CCDC15: variants seen among roughly 807,000 people sequenced by gnomAD.
CCDC15 encodes coiled-coil domain-containing protein 15.
Under a neutral mutation model 114.5 loss-of-function variants are expected in CCDC15, and 105 were observed. That is an observed-to-expected ratio of 0.92 (90% CI 0.78 to 1.08). The LOEUF (loss-of-function observed/expected upper bound fraction) is 1.08, where lower values mean the gene tolerates loss of function less well. CCDC15 is among the 50% of genes least tolerant of loss of function. CCDC15 has a pLI of 0.00. For missense variants in CCDC15, 1,105 were observed against 1,093.6 expected, an observed-to-expected ratio of 1.01 and a Z score of -0.15; for synonymous variants, 334 against 377.8, an observed-to-expected ratio of 0.88 and a Z score of 1.34.
chr11:125,019,769 G>A (rs577490853), intron 13 of CCDC15, among the ~76,000 whole-genome samples: 22 of 152,048 alleles, frequency 1.4e-4, no homozygotes, highest in African/African-American at 5.1e-4. Context: ...AGCATACTGG[G>A]CTTGAAGTCT....
intron 5 of CCDC15, among the ~76,000 whole-genome samples, chr11:124,976,686 A>G (rs61707693): frequency 0.063 from 9,565 of 152,188 alleles, 364 homozygotes; most frequent in African/African-American, 0.1. Context: ...GAACATGCTC[A>G]GACCTTTCAA....
At chr11:125,033,778 G>A (rs889031373) in intron 13 of CCDC15, among the ~76,000 whole-genome samples, 1 of 152,114 alleles carries the variant, frequency 6.6e-6, no homozygotes, top group Non-Finnish European at 1.5e-5. Flanking sequence ...AACTCCCTGA[G>A]CTACAACATT....
chr11:125,003,777 A>G, intron 11 of CCDC15, 90 bp from the exon 12 acceptor site: 1 of 702,360 alleles, frequency 1.4e-6, no homozygotes, highest in Non-Finnish European at 2.3e-6. Context: ...CCAAGTTTGC[A>G]AAAGAAAAGA....
rs185313314 is a variant in CCDC15, at chr11:124,993,134, T to G, written c.2140-35T>G. The G allele has an allele frequency of 1.7e-4, 234 of 1,358,022 alleles. 1 individual carries two copies. The African/African-American group carries it at 1.8e-3, about 10-fold the overall frequency. The allele number at this position is 1,358,022 out of a possible 1,614,324, so 84.1% of individuals were successfully genotyped here. A position where few individuals can be genotyped will look rare whatever the true frequency, so the allele number is the denominator to read the frequency against. ...CTGTCACTAGCCCGTCATTTCTGCTTAGACAATCAGTTTTGTATTTTGTTG... is the reference window on the plus strand; with the variant it reads ...CTGTCACTAGCCCGTCATTTCTGCTGAGACAATCAGTTTTGTATTTTGTTG... On this transcript the variant is annotated intron_variant, in intron 10 of 15. Transcript: ENST00000344762.
At chr11:124,959,720 C>A in intron 3 of CCDC15, 95 bp from the exon 4 acceptor site, 1 of 680,608 alleles carries the variant, frequency 1.5e-6, no homozygotes, top group Non-Finnish European at 2.1e-6. Flanking sequence ...TGCCCCCCAC[C>A]CCAATTTAAA....
intron 13 of CCDC15, among the ~76,000 whole-genome samples, chr11:125,023,325 T>C (rs1948674845): frequency 6.6e-6 from 1 of 151,832 alleles, no homozygotes; most frequent in Non-Finnish European, 1.5e-5. Flanking sequence ...TTGGACTTCA[T>C]CAAAATTAAA....
chr11:124,994,772 C>T (rs1306039932), intron 11 of CCDC15, among the ~76,000 whole-genome samples: 2 of 152,280 alleles, frequency 1.3e-5, no homozygotes, highest in East Asian at 3.9e-4. Context: ...GTTACAACAT[C>T]CTGGCCTACT....
At chr11:124,973,047 G>A (rs143749638) in intron 4 of CCDC15, among the ~76,000 whole-genome samples, 1 of 152,296 alleles carries the variant, frequency 6.6e-6, no homozygotes, top group Non-Finnish European at 1.5e-5. Flanking sequence ...CCCAATGACA[G>A]TCCTCAAAGC....
chr11:124,960,117 C>T lies in CCDC15; in HGVS notation c.516+114C>T, dbSNP rs998060732. ...TTAAGAGTTATCACACTCAGCTTCA[C>T]TTTTGATAATCATCCCCCTTTTTTT... On this transcript the variant is annotated intron_variant, in intron 4 of 15. Transcript: ENST00000344762. The T allele has an allele frequency of 2.6e-5, 16 of 609,284 alleles. No individual in the cohort carries two copies. In the African/African-American group the frequency reaches 3.2e-4, roughly 12 times the overall value. The allele number at this position is 609,284 out of a possible 1,614,324, so 37.7% of individuals were successfully genotyped here. A position where few individuals can be genotyped will look rare whatever the true frequency, so the allele number is the denominator to read the frequency against.
At chr11:125,034,907 A>G (rs1472373899) in intron 13 of CCDC15, among the ~76,000 whole-genome samples, 1 of 152,074 alleles carries the variant, frequency 6.6e-6, no homozygotes, top group East Asian at 1.9e-4. Flanking sequence ...ATATATATGC[A>G]TAGTTATATA....
At position 125,040,602 on chromosome 11, in the gene CCDC15, C is replaced by T. The variant is rs1007896504; in HGVS notation, c.2747C>T (p.Ala916Val). Residue 916 changes from alanine (A) to valine (V), a missense_variant, in exon 16 of 16, where the codon GCA (alanine) becomes GTA (valine). Transcript: ENST00000344762. ...FYKNHRAYTRALHSFINSCDV... is the reference protein window; with the variant it reads ...FYKNHRAYTRVLHSFINSCDV... ...CCTTTTTTTGCAGCATATACTCGGG[C>T]ACTACATTCATTCATCAATTCCTGT... The T allele has an allele frequency of 1.9e-6, 3 of 1,608,848 alleles. No homozygotes were observed. In the African/African-American group the frequency reaches 4.0e-5, roughly 21 times the overall value.
chr11:125,022,012 CTTT>C (rs1948663520), intron 13 of CCDC15, among the ~76,000 whole-genome samples: 1 of 151,910 alleles, frequency 6.6e-6, no homozygotes, highest in Non-Finnish European at 1.5e-5. Context: ...AAGACACTTA[CTTT>C]ACTGGCTCTC....
At chr11:124,997,327 G>T (rs1320549987) in intron 11 of CCDC15, among the ~76,000 whole-genome samples, 1 of 152,188 alleles carries the variant, frequency 6.6e-6, no homozygotes, top group African/African-American at 2.4e-5. Flanking sequence ...CTGTCACTCA[G>T]TTGCCCAGGC....
At chr11:124,962,369 T>C (rs1947681586) in intron 4 of CCDC15, among the ~76,000 whole-genome samples, 1 of 152,346 alleles carries the variant, frequency 6.6e-6, no homozygotes, top group East Asian at 1.9e-4. Flanking sequence ...ATCTGACATG[T>C]TGAAACATTT....
intron 13 of CCDC15, among the ~76,000 whole-genome samples, chr11:125,036,633 A>G (rs1157605974): frequency 6.6e-6 from 1 of 152,166 alleles, no homozygotes; most frequent in South Asian, 2.1e-4. Flanking sequence ...TCTAGGTATC[A>G]TAGGCATACT....
intron 13 of CCDC15, among the ~76,000 whole-genome samples, chr11:125,005,947 T>A (rs1473188711): frequency 6.6e-6 from 1 of 152,216 alleles, no homozygotes; most frequent in East Asian, 1.9e-4. Context: ...GTATCACAGT[T>A]TAGTTATTCA....
At chr11:125,009,867 G>T (rs1948577259) in intron 13 of CCDC15, among the ~76,000 whole-genome samples, 1 of 152,184 alleles carries the variant, frequency 6.6e-6, no homozygotes, top group African/African-American at 2.4e-5. Flanking sequence ...GTCTTCTATG[G>T]TGTATACATA....
chr11:125,025,829 T>A (rs1436341044), intron 13 of CCDC15, among the ~76,000 whole-genome samples: 2 of 152,138 alleles, frequency 1.3e-5, no homozygotes, highest in Admixed American at 6.6e-5. Flanking sequence ...TTGGTATTGA[T>A]AATTTATATC....
intron 2 of CCDC15, among the ~76,000 whole-genome samples, chr11:124,955,252 C>G (rs1478740947): frequency 6.6e-6 from 1 of 152,208 alleles, no homozygotes; most frequent in Non-Finnish European, 1.5e-5. Context: ...CTTCCAGACA[C>G]TGCAACTTAG....
Sources: gnomAD v4.1 joint callset for allele counts (sites outside exome capture counted in the v4.1 genomes callset) on GRCh38, gnomAD v4.1.1 for gene constraint, MANE v1.5 for transcripts, NCBI Gene and HGNC (gene_info 2026-07-23, HGNC 2026-07-21) for gene names.